Variants in MACROD1 observed in about 807,000 individuals in gnomAD.
MACROD1 encodes ADP-ribose glycohydrolase MACROD1.
MACROD1 carries 31 observed loss-of-function variants against 41.4 expected under a neutral mutation model. The ratio of observed to expected loss-of-function variants is 0.75; its 90% CI spans 0.56 to 1.01. The LOEUF (loss-of-function observed/expected upper bound fraction) is 1.01. Among genes scored for constraint, MACROD1 ranks in the 50% least tolerant of loss-of-function variants. The probability of loss-of-function intolerance (pLI) is 0.00; values close to 1 mark genes in which losing one functional copy is unlikely to be tolerated. For missense variants in MACROD1, 473 were observed against 460.0 expected (o/e 1.03, Z -0.26); for synonymous variants, 252 against 203.4 (o/e 1.24, Z -2.03).
intron 3 of MACROD1, among the ~76,000 whole-genome samples, chr11:64,062,433 G>A (rs115564261): frequency 0.024 from 3,605 of 152,256 alleles, 140 homozygotes; most frequent in African/African-American, 0.081. Flanking sequence ...GGAACCAACT[G>A]GGCATAGGCG....
chr11:64,006,290 C>G (rs578213779), intron 4 of MACROD1, among the ~76,000 whole-genome samples: 1 of 152,216 alleles, frequency 6.6e-6, no homozygotes, highest in East Asian at 1.9e-4. Context: ...ATCCCATTGC[C>G]GGAACCATCT....
intron 5 of MACROD1, 196 bp from the exon 6 acceptor site, chr11:63,999,959 C>T (rs1942791648): frequency 2.9e-6 from 2 of 697,200 alleles, no homozygotes; most frequent in African/African-American, 1.8e-5. Context: ...GCGCCCCCTC[C>T]CCACATCTGT....
intron 1 of MACROD1, among the ~76,000 whole-genome samples, chr11:64,155,041 T>G (rs1945646347): frequency 6.6e-6 from 1 of 152,218 alleles, no homozygotes; most frequent in African/African-American, 2.4e-5. Context: ...TTGGCCATCT[T>G]GACCTGTAGG....
chr11:64,024,525 A>G (rs1943200223), intron 3 of MACROD1, among the ~76,000 whole-genome samples: 1 of 152,064 alleles, frequency 6.6e-6, no homozygotes, highest in Admixed American at 6.5e-5. Flanking sequence ...CAGGACCCCC[A>G]GCTGCTGCCT....
At chr11:64,020,535 G>A (rs890902079) in intron 3 of MACROD1, among the ~76,000 whole-genome samples, 5 of 151,878 alleles carry the variant, frequency 3.3e-5, no homozygotes, top group East Asian at 1.9e-4. Context: ...TCCCTCTGCC[G>A]TACATATGGT....
chr11:64,028,935 C>CA (rs1206975216), intron 3 of MACROD1, among the ~76,000 whole-genome samples: 2 of 152,166 alleles, frequency 1.3e-5, no homozygotes, highest in African/African-American at 4.8e-5. Flanking sequence ...CAGGCGAGGG[C>CA]AGGTGAGGGG....
chr11:64,002,397 G>A (rs1178210881), intron 4 of MACROD1, among the ~76,000 whole-genome samples: 2 of 152,202 alleles, frequency 1.3e-5, no homozygotes, highest in African/African-American at 4.8e-5. Flanking sequence ...CAAGGGAGGT[G>A]GAGGGAGCTG....
At chr11:64,157,233 C>T (rs1945683220) in intron 1 of MACROD1, among the ~76,000 whole-genome samples, 2 of 152,162 alleles carry the variant, frequency 1.3e-5, no homozygotes, top group Admixed American at 6.5e-5. Flanking sequence ...GCTGGGATTA[C>T]AGGCATGCAC....
At chr11:64,127,400 G>A (rs1344185618) in intron 3 of MACROD1, among the ~76,000 whole-genome samples, 1 of 128,650 alleles carries the variant, frequency 7.8e-6, no homozygotes, top group Non-Finnish European at 1.7e-5. Flanking sequence ...CCTTGCCCCC[G>A]AGGCTCAGCC....
intron 3 of MACROD1, chr11:64,103,829 C>T (rs1944712502): frequency 6.6e-6 from 1 of 152,236 alleles, no homozygotes; most frequent in Non-Finnish European, 1.5e-5. Context: ...TCCCTGTACC[C>T]CTTGCACACA....
In MACROD1 at chr11:64,019,138, C is replaced by CCCTA. The variant is rs1943120493; in HGVS notation, c.518-3861_518-3858dup. On this transcript the variant is annotated intron_variant, in intron 3 of 10. Transcript: ENST00000255681. ...AGCACACCCTGGAGGCTGTGGAGTG[C>CCCTA]CCTAGTCTGTGGTCTGCTCTTGGAG... Among the ~76,000 whole-genome samples, 3 of 152,320 alleles carry CCCTA rather than the reference C, an allele frequency of 2.0e-5. No homozygotes were observed. In the South Asian group the frequency reaches 6.2e-4, roughly 32 times the overall value.
At chr11:64,010,284 G>C (rs1942985024) in intron 4 of MACROD1, among the ~76,000 whole-genome samples, 1 of 134,238 alleles carries the variant, frequency 7.4e-6, no homozygotes, top group Non-Finnish European at 1.8e-5. Context: ...GGTGTTGGCT[G>C]GCATGTTGGG....
At chr11:64,062,096 T>C (rs1394215596) in intron 3 of MACROD1, among the ~76,000 whole-genome samples, 1 of 151,922 alleles carries the variant, frequency 6.6e-6, no homozygotes, top group Non-Finnish European at 1.5e-5. Flanking sequence ...GGGGGATGTC[T>C]GCTTAGCTGT....
At chr11:64,015,643 C>T (rs1471609478) in intron 3 of MACROD1, among the ~76,000 whole-genome samples, 1 of 152,170 alleles carries the variant, frequency 6.6e-6, no homozygotes, top group Non-Finnish European at 1.5e-5. Flanking sequence ...CGGCGCCAGG[C>T]CTGGTGCAGA....
At chr11:64,163,642 T>C (rs1387807545) in intron 1 of MACROD1, among the ~76,000 whole-genome samples, 1 of 152,186 alleles carries the variant, frequency 6.6e-6, no homozygotes, top group African/African-American at 2.4e-5. Context: ...GGGAGCTGTT[T>C]AGGAAGCCCA....
At chr11:64,133,103 C>A (rs143304816) in intron 3 of MACROD1, among the ~76,000 whole-genome samples, 5 of 152,294 alleles carry the variant, frequency 3.3e-5, no homozygotes, top group Middle Eastern at 6.8e-3. Context: ...CCCAGGAAGA[C>A]CTCCCACAGG....
chr11:64,118,469 AT>A (rs1327950640), intron 3 of MACROD1: 19 of 609,296 alleles, frequency 3.1e-5, no homozygotes, highest in South Asian at 5.9e-5. Flanking sequence ...AACAGTGACA[AT>A]TTTTTTTAAA....
intron 4 of MACROD1, among the ~76,000 whole-genome samples, chr11:64,003,235 C>T (rs1942856605): frequency 6.6e-6 from 1 of 152,190 alleles, no homozygotes; most frequent in Non-Finnish European, 1.5e-5. Context: ...TCCTTCATAT[C>T]AGCCCTCTGT....
Position 64,096,736 on chromosome 11 carries a change from A to G in MACROD1, c.517+54503T>C, listed in dbSNP as rs1944583171. The stretch of plus-strand genomic sequence containing the variant: ...CCTACCCTCTCCCCCTTTTGTGCCT[A>G]GAGTTGCTCTGTGAAGGGGCAGGCT... On this transcript the variant is annotated intron_variant, in intron 3 of 10. Transcript: ENST00000255681. This position sits in a 1 kb window ranked among gnomAD's most constrained non-coding sequence, Gnocchi z 4.6. 6.6e-6 allele frequency among the ~76,000 whole-genome samples: 1 copy of G among 152,140 alleles called. No individual in the cohort carries two copies. Among genetic ancestry groups the G allele is most frequent in the African/African-American group, 2.4e-5 (1 of 41,452 alleles).
Sources: allele counts gnomAD v4.1 joint callset (sites outside exome capture counted in the v4.1 genomes callset), GRCh38; gene constraint gnomAD v4.1.1; non-coding constraint Gnocchi (gnomAD v3.1); transcripts MANE v1.5; gene names NCBI Gene and HGNC (gene_info 2026-07-23, HGNC 2026-07-21).